The following NELL1 variants were observed in gnomAD, a reference collection of about 807,000 sequenced individuals.
NELL1 encodes protein kinase C-binding protein NELL1.
In NELL1, 76 loss-of-function variants were observed where a neutral mutation model predicts 107.4. The ratio of observed to expected loss-of-function variants is 0.71; its 90% CI spans 0.59 to 0.86. The LOEUF (loss-of-function observed/expected upper bound fraction) is 0.86, where lower values mean the gene tolerates loss of function less well. NELL1 is among the 40% of genes least tolerant of loss of function. NELL1 has a pLI of 0.00. For missense variants in NELL1, 1,024 were observed against 1,005.5 expected, an observed-to-expected ratio of 1.02 and a Z score of -0.25; for synonymous variants, 353 against 341.2, an observed-to-expected ratio of 1.03 and a Z score of -0.38.
chr11:20,755,534 GTTTTT>G (rs1564894879), intron 2 of NELL1, among the ~76,000 whole-genome samples: 35 of 90,312 alleles, frequency 3.9e-4, no homozygotes, highest in South Asian at 9.9e-4. Flanking sequence ...ACCTGTGTGG[GTTTTT>G]GTTTTTTTTT....
At chr11:20,876,357 C>A (rs1373003457) in intron 4 of NELL1, among the ~76,000 whole-genome samples, 1 of 152,218 alleles carries the variant, frequency 6.6e-6, no homozygotes. Flanking sequence ...CAGGAGGAGA[C>A]TACAGAGTTC....
intron 12 of NELL1, among the ~76,000 whole-genome samples, chr11:21,036,135 A>G (rs979783651): frequency 6.6e-6 from 1 of 152,178 alleles, no homozygotes; most frequent in Non-Finnish European, 1.5e-5. Context: ...CTTATTCACA[A>G]TTGCCACACA....
At chr11:21,226,047 C>T (rs1857884318) in intron 13 of NELL1, among the ~76,000 whole-genome samples, 1 of 152,172 alleles carries the variant, frequency 6.6e-6, no homozygotes, top group Non-Finnish European at 1.5e-5. Context: ...CCGTCTTTCG[C>T]AATCACTTGT....
chr11:21,336,674 T>TATATATATATACACAC (rs55720144), intron 14 of NELL1, among the ~76,000 whole-genome samples: 1 of 130,526 alleles, frequency 7.7e-6, no homozygotes, highest in African/African-American at 2.9e-5. Context: ...TATATATATA[T>TATATATATATACACAC]ACACACACAC....
intron 3 of NELL1, among the ~76,000 whole-genome samples, chr11:20,814,045 G>A (rs1472129115): frequency 6.6e-6 from 1 of 151,650 alleles, no homozygotes; most frequent in Non-Finnish European, 1.5e-5. Flanking sequence ...ACCCAGGCTG[G>A]AGTGCAGTGG....
At chr11:21,381,785 C>T (rs776697751) in intron 15 of NELL1, among the ~76,000 whole-genome samples, 1 of 151,624 alleles carries the variant, frequency 6.6e-6, no homozygotes, top group Non-Finnish European at 1.5e-5. Flanking sequence ...TTTTATGTAA[C>T]ATCTTATCAA....
chr11:21,176,513 A>G (rs1343643836), intron 13 of NELL1, among the ~76,000 whole-genome samples: 1 of 151,844 alleles, frequency 6.6e-6, no homozygotes, highest in East Asian at 1.9e-4. Context: ...GTTTCCTACT[A>G]AGGCCATACT....
intron 7 of NELL1, among the ~76,000 whole-genome samples, chr11:20,919,642 G>A (rs1337049065): frequency 6.6e-6 from 1 of 152,072 alleles, no homozygotes; most frequent in East Asian, 1.9e-4. Flanking sequence ...TAGTAACACT[G>A]TAAGATGATC....
chr11:21,169,792 C>T, intron 13 of NELL1: 1 of 1,350,672 alleles, frequency 7.4e-7, no homozygotes, highest in Non-Finnish European at 1.0e-6. Flanking sequence ...TGCCGGGCAC[C>T]CGGAGAGTGG....
rs564452187 is a variant in NELL1 at position 21,456,596 on chromosome 11, A to T, written c.1646-77778A>T. Among the ~76,000 whole-genome samples the T allele has an allele frequency of 1.9e-4, 29 of 152,236 alleles. No individual in the cohort carries two copies. The South Asian group carries it at 3.9e-3, about 21-fold the overall frequency. On this transcript the variant is annotated intron_variant, in intron 15 of 19. Transcript: ENST00000357134. ...AGTAGATTTTGATAATAGTTTCATT[A>T]TATTGATCTTCTGTTATAATTTCTA...
chr11:21,283,748 T>C (rs1849048188), intron 14 of NELL1: 1 of 165,146 alleles, frequency 6.1e-6, no homozygotes, highest in East Asian at 1.7e-4. Flanking sequence ...GCACAGCTTT[T>C]CACACAATTG....
At chr11:21,270,514 G>A (rs1228178714) in intron 14 of NELL1, among the ~76,000 whole-genome samples, 1 of 152,022 alleles carries the variant, frequency 6.6e-6, no homozygotes, top group Admixed American at 6.5e-5. Flanking sequence ...CCTAACATGA[G>A]AACCTCAAAA....
intron 12 of NELL1, among the ~76,000 whole-genome samples, chr11:21,090,483 C>G (rs1854495989): frequency 6.6e-6 from 1 of 152,132 alleles, no homozygotes; most frequent in Admixed American, 6.5e-5. Context: ...GTATTTCTAA[C>G]AAGCAGCAGT....
At chr11:21,432,005 G>T (rs1852979156) in intron 15 of NELL1, among the ~76,000 whole-genome samples, 1 of 152,092 alleles carries the variant, frequency 6.6e-6, no homozygotes, top group Non-Finnish European at 1.5e-5. Flanking sequence ...TGCTTCTTCT[G>T]TGTAGAAATG....
At chr11:21,331,328 T>C (rs1320881039) in intron 14 of NELL1, among the ~76,000 whole-genome samples, 2 of 152,098 alleles carry the variant, frequency 1.3e-5, no homozygotes, top group Non-Finnish European at 2.9e-5. Flanking sequence ...TAATATAATG[T>C]AGCAGTGTCC....
intron 14 of NELL1, among the ~76,000 whole-genome samples, chr11:21,234,282 ATC>A (rs1858142556): frequency 6.6e-6 from 1 of 152,134 alleles, no homozygotes; most frequent in Non-Finnish European, 1.5e-5. Flanking sequence ...TTTTCCCATG[ATC>A]TCTCTCTTCT....
intron 2 of NELL1, among the ~76,000 whole-genome samples, chr11:20,691,352 G>C (rs557515951): frequency 6.6e-5 from 10 of 150,824 alleles, no homozygotes; most frequent in South Asian, 2.1e-4. Context: ...GGGCATCCCT[G>C]TCTTGTACCA....
intron 4 of NELL1, among the ~76,000 whole-genome samples, chr11:20,863,305 TGGCCAGGCAGG>T (rs1849018582): frequency 7.5e-6 from 1 of 132,940 alleles, no homozygotes; most frequent in Non-Finnish European, 1.6e-5. Flanking sequence ...ACGGGGCAGC[TGGCCAGGCAGG>T]GGCTGTTCTC....
chr11:21,525,368 A>G (rs916625096), intron 15 of NELL1, among the ~76,000 whole-genome samples: 2 of 152,216 alleles, frequency 1.3e-5, no homozygotes, highest in African/African-American at 4.8e-5. Context: ...TTTATGAGAC[A>G]ATCAGTTGAC....
Sources: allele counts gnomAD v4.1 joint callset (sites outside exome capture counted in the v4.1 genomes callset), GRCh38; gene constraint gnomAD v4.1.1; transcripts MANE v1.5; gene names NCBI Gene and HGNC (gene_info 2026-07-23, HGNC 2026-07-21).